CTNND2: variants seen among roughly 807,000 people sequenced by gnomAD.
The protein encoded by CTNND2 is catenin delta 2, also known as catenin delta-2.
Under a neutral mutation model 144.4 loss-of-function variants are expected in CTNND2, and 22 were observed. That is an observed-to-expected ratio of 0.15 (90% CI 0.11 to 0.22). The LOEUF is 0.22. Ranked by LOEUF, CTNND2 falls within the 10% of genes least tolerant of loss-of-function variation. The pLI is 1.00. For missense variants in CTNND2, 1,353 were observed against 1,618.8 expected (o/e 0.84, Z 2.82); for synonymous variants, 751 against 695.6 (o/e 1.08, Z -1.25).
chr5:10,973,350 G>A lies in CTNND2; in HGVS notation c.*103C>T, dbSNP rs1736028618. The A allele has an allele frequency of 7.8e-7, 1 of 1,277,708 alleles. No individual in the cohort carries two copies. Among genetic ancestry groups the A allele is most frequent in the Non-Finnish European group, 1.1e-6 (1 of 947,496 alleles). 79.1% of individuals were successfully genotyped at this position (1,277,708 alleles called of 1,614,324 possible). On this transcript the variant is annotated 3_prime_UTR_variant, in exon 22 of 22. Transcript: ENST00000304623. The surrounding 1 kb of genome is among the most constrained non-coding windows in gnomAD (Gnocchi z 5.6). Reference sequence around the variant, plus strand: ...TTATCACAGCCTTCCTATGGAACAGGCTTTAACAAACTAAATTTGCAGGAG... The same window carrying A: ...TTATCACAGCCTTCCTATGGAACAGACTTTAACAAACTAAATTTGCAGGAG...
chr5:11,431,713 C>T (rs1460054034), intron 3 of CTNND2, among the ~76,000 whole-genome samples: 1 of 152,094 alleles, frequency 6.6e-6, no homozygotes, highest in Admixed American at 6.5e-5. Flanking sequence ...TCCTCTGAGC[C>T]CTGCCCCTAC....
At chr5:11,621,422 G>A (rs1489638025) in intron 2 of CTNND2, among the ~76,000 whole-genome samples, 1 of 152,022 alleles carries the variant, frequency 6.6e-6, no homozygotes, top group Non-Finnish European at 1.5e-5. Flanking sequence ...AATTAATGCA[G>A]AGTTGATTCC....
chr5:11,557,748 C>G (rs775346925), intron 3 of CTNND2, among the ~76,000 whole-genome samples: 3 of 152,130 alleles, frequency 2.0e-5, no homozygotes, highest in Non-Finnish European at 4.4e-5. Flanking sequence ...ATTATACAGT[C>G]TGCGAAAACC....
At chr5:11,292,788 T>C (rs533351227) in intron 9 of CTNND2, among the ~76,000 whole-genome samples, 39 of 152,226 alleles carry the variant, frequency 2.6e-4, no homozygotes, top group African/African-American at 8.9e-4. Context: ...GAGAATACCA[T>C]GTGAAGGCTG....
At chr5:11,860,852 T>C (rs1267254122) in intron 1 of CTNND2, among the ~76,000 whole-genome samples, 1 of 152,234 alleles carries the variant, frequency 6.6e-6, no homozygotes, top group East Asian at 1.9e-4. Flanking sequence ...ATATAGGGCA[T>C]TGTACCAAGT....
At chr5:11,363,930 C>T (rs1756707759) in intron 8 of CTNND2, among the ~76,000 whole-genome samples, 1 of 152,178 alleles carries the variant, frequency 6.6e-6, no homozygotes, top group South Asian at 2.1e-4. Context: ...ACAGTCATTC[C>T]AGTTTACTTA....
intron 18 of CTNND2, among the ~76,000 whole-genome samples, chr5:11,005,045 TGG>T (rs1740338498): frequency 6.6e-6 from 1 of 152,142 alleles, no homozygotes; most frequent in African/African-American, 2.4e-5. Flanking sequence ...TACAGGTTAT[TGG>T]GAAGGACTGC....
At position 11,467,712 on chromosome 5, in the gene CTNND2, G is replaced by A. The variant is rs61757527; in HGVS notation, c.288-55643C>T. ...AAATTTTAATGTTATTTAAGCAGCA[G>A]TTTTGGGTATTTATTCCCAGTGATA... On this transcript the variant is annotated intron_variant, in intron 3 of 21. Transcript: ENST00000304623. 6.7e-3 allele frequency among the ~76,000 whole-genome samples: 1,013 copies of A among 152,286 alleles called. 15 individuals carry two copies. Among genetic ancestry groups the A allele is most frequent in the African/African-American group, 0.023 (973 of 41,552 alleles).
chr5:11,399,979 TAAC>T (rs888793815), intron 5 of CTNND2, among the ~76,000 whole-genome samples: 1 of 152,256 alleles, frequency 6.6e-6, no homozygotes, highest in Non-Finnish European at 1.5e-5. Context: ...GGACAATTCT[TAAC>T]TACTTTATAA....
chr5:11,470,744 G>A (rs1055096108), intron 3 of CTNND2, among the ~76,000 whole-genome samples: 11 of 151,618 alleles, frequency 7.3e-5, no homozygotes, highest in African/African-American at 1.2e-4. Flanking sequence ...GTTTTGATGA[G>A]TACTGGTCAA....
At chr5:11,508,699 A>T (rs1771322166) in intron 3 of CTNND2, among the ~76,000 whole-genome samples, 1 of 152,022 alleles carries the variant, frequency 6.6e-6, no homozygotes, top group Non-Finnish European at 1.5e-5. Flanking sequence ...ATCACCTGAG[A>T]TCATGAGTTC....
intron 16 of CTNND2, among the ~76,000 whole-genome samples, chr5:11,031,297 G>A (rs1277798019): frequency 2.6e-5 from 4 of 152,192 alleles, no homozygotes; most frequent in East Asian, 3.9e-4. Flanking sequence ...ACAGATCCAC[G>A]ATATTTAGAG....
chr5:11,749,117 C>A (rs903352077), intron 1 of CTNND2, among the ~76,000 whole-genome samples: 1 of 151,968 alleles, frequency 6.6e-6, no homozygotes, highest in Non-Finnish European at 1.5e-5. Context: ...ATGAGTAAGA[C>A]ATTTAGACAG....
chr5:11,599,401 C>T (rs191661461), intron 2 of CTNND2, among the ~76,000 whole-genome samples: 3 of 152,216 alleles, frequency 2.0e-5, no homozygotes, highest in Admixed American at 2.0e-4. Context: ...TTTTTGGAAG[C>T]TTGTGTCTTC....
chr5:11,331,065 AT>A (rs1753098361), intron 9 of CTNND2, among the ~76,000 whole-genome samples: 3 of 152,194 alleles, frequency 2.0e-5, no homozygotes, highest in Non-Finnish European at 4.4e-5. Flanking sequence ...TATCTAAAAA[AT>A]CCCATGCTTT....
intron 9 of CTNND2, among the ~76,000 whole-genome samples, chr5:11,259,221 C>G (rs1176894532): frequency 6.6e-6 from 1 of 152,160 alleles, no homozygotes; most frequent in Non-Finnish European, 1.5e-5. Flanking sequence ...TGCTAACTCC[C>G]ACAAATGCAT....
chr5:11,569,186 G>A (rs75173132), intron 2 of CTNND2, among the ~76,000 whole-genome samples: 5,774 of 152,212 alleles, frequency 0.038, 173 homozygotes, highest in Middle Eastern at 0.068. Flanking sequence ...GATTTCATGG[G>A]AATTTAGAGT....
chr5:11,064,920 C>T (rs1211219643), intron 16 of CTNND2, among the ~76,000 whole-genome samples: 1 of 152,218 alleles, frequency 6.6e-6, no homozygotes, highest in Non-Finnish European at 1.5e-5. Flanking sequence ...CCAGTTCAAG[C>T]TGGTCGCTCA....
chr5:11,373,282 G>A (rs146242211), intron 7 of CTNND2, among the ~76,000 whole-genome samples: 1,846 of 152,234 alleles, frequency 0.012, 35 homozygotes, highest in African/African-American at 0.043. Flanking sequence ...TCACTATGTT[G>A]CTCAAGCTGG....
Sources: gnomAD v4.1 joint callset for allele counts (sites outside exome capture counted in the v4.1 genomes callset) on GRCh38, gnomAD v4.1.1 for gene constraint, Gnocchi (gnomAD v3.1) non-coding constraint, MANE v1.5 for transcripts, NCBI Gene and HGNC (gene_info 2026-07-23, HGNC 2026-07-21) for gene names.